Variants in NELL1 observed in about 807,000 individuals in gnomAD.
NELL1 encodes neural EGFL like 1.
In NELL1, 76 loss-of-function variants were observed where a neutral mutation model predicts 107.4. The observed-to-expected ratio is 0.71, with a 90% CI of 0.59 to 0.86. The LOEUF (loss-of-function observed/expected upper bound fraction) is 0.86, where lower values mean the gene tolerates loss of function less well. Ranked by LOEUF, NELL1 falls within the 40% of genes least tolerant of loss-of-function variation. The probability of loss-of-function intolerance (pLI) is 0.00; values close to 1 mark genes in which losing one functional copy is unlikely to be tolerated. For synonymous variants in NELL1, 353 were observed against 341.2 expected, an observed-to-expected ratio of 1.03 and a Z score of -0.38; for missense variants, 1,024 against 1,005.5, an observed-to-expected ratio of 1.02 and a Z score of -0.25.
chr11:20,995,837 C>T (rs1384104151), intron 12 of NELL1, among the ~76,000 whole-genome samples: 1 of 152,080 alleles, frequency 6.6e-6, no homozygotes, highest in Non-Finnish European at 1.5e-5. Context: ...TAATCTGGCT[C>T]ACTGGAATGC....
At chr11:21,524,854 T>A (rs181213541) in intron 15 of NELL1, among the ~76,000 whole-genome samples, 1 of 152,290 alleles carries the variant, frequency 6.6e-6, no homozygotes, top group Admixed American at 6.5e-5. Context: ...CAAATTTCAA[T>A]AGTTTTGTTC....
chr11:20,695,333 G>A (rs1854586535), intron 2 of NELL1, among the ~76,000 whole-genome samples: 1 of 152,060 alleles, frequency 6.6e-6, no homozygotes, highest in Non-Finnish European at 1.5e-5. Flanking sequence ...GTACTGTGTT[G>A]AATAGGAGTG....
At chr11:21,382,735 A>C (rs72960090) in intron 15 of NELL1, among the ~76,000 whole-genome samples, 15,104 of 151,914 alleles carry the variant, frequency 0.099, 945 homozygotes, top group South Asian at 0.17. Context: ...CTGTCAAATA[A>C]ATAAAAGCTG....
intron 15 of NELL1, among the ~76,000 whole-genome samples, chr11:21,505,738 T>G (rs1855262870): frequency 6.6e-6 from 1 of 152,232 alleles, no homozygotes; most frequent in Non-Finnish European, 1.5e-5. Flanking sequence ...AGTAGCTCCC[T>G]GCTCTTCTAA....
At chr11:21,069,131 A>G (rs1406249259) in intron 12 of NELL1, among the ~76,000 whole-genome samples, 1 of 152,172 alleles carries the variant, frequency 6.6e-6, no homozygotes, top group Non-Finnish European at 1.5e-5. Flanking sequence ...GCACGAACAG[A>G]AGGCCTTAGA....
At chr11:21,499,706 C>A (rs535070796) in intron 15 of NELL1, among the ~76,000 whole-genome samples, 2 of 152,066 alleles carry the variant, frequency 1.3e-5, no homozygotes, top group South Asian at 2.1e-4. Flanking sequence ...GGATTTAATC[C>A]AATTCAGTTT....
Position 20,786,925 on chromosome 11 carries a change from A to G in NELL1, c.335+3095A>G, listed in dbSNP as rs534653252. On this transcript the variant is annotated intron_variant, in intron 3 of 19. Coordinates refer to ENST00000357134, the MANE Select transcript of NELL1 (RefSeq NM_006157.5). ...TGGGAGGCTGAGGCAGGAGAATGGTATGAACCCGGGAGGTGGAGCTTGCCG... is the reference window on the plus strand; with the variant it reads ...TGGGAGGCTGAGGCAGGAGAATGGTGTGAACCCGGGAGGTGGAGCTTGCCG... Among the ~76,000 whole-genome samples, 223 of 139,948 alleles carry G rather than the reference A, an allele frequency of 1.6e-3. 1 individual carries two copies. Among genetic ancestry groups the G allele is most frequent in the Admixed American group, 0.014 (185 of 13,038 alleles). The allele number at this position is 139,948 out of a possible 152,430, so 91.8% of individuals were successfully genotyped here. A position where few individuals can be genotyped will look rare whatever the true frequency, so the allele number is the denominator to read the frequency against.
At chr11:21,155,849 A>G (rs546928236) in intron 13 of NELL1, among the ~76,000 whole-genome samples, 11 of 152,290 alleles carry the variant, frequency 7.2e-5, no homozygotes, top group African/African-American at 2.6e-4. Context: ...ACTGATTGGA[A>G]AGGGAGAGAC....
At chr11:20,993,858 G>A (rs1425471447) in intron 12 of NELL1, among the ~76,000 whole-genome samples, 1 of 148,598 alleles carries the variant, frequency 6.7e-6, no homozygotes, top group Non-Finnish European at 1.5e-5. Context: ...GGGGACCCAT[G>A]GATACAGAGA....
At chr11:21,138,510 A>G (rs1307335249) in intron 13 of NELL1, among the ~76,000 whole-genome samples, 2 of 152,184 alleles carry the variant, frequency 1.3e-5, no homozygotes, top group Non-Finnish European at 2.9e-5. Flanking sequence ...TTTTGGGTGC[A>G]GAGCCTGTTG....
chr11:21,272,346 G>T (rs1848757245), intron 14 of NELL1, among the ~76,000 whole-genome samples: 1 of 152,346 alleles, frequency 6.6e-6, no homozygotes, highest in African/African-American at 2.4e-5. Flanking sequence ...GCAGCAGTGA[G>T]GCCGGGGGAG....
At chr11:20,716,140 A>G (rs1048352819) in intron 2 of NELL1, among the ~76,000 whole-genome samples, 10 of 152,218 alleles carry the variant, frequency 6.6e-5, no homozygotes, top group Non-Finnish European at 1.2e-4. Context: ...CTCCAGTCTC[A>G]TGCTTACAGT....
intron 15 of NELL1, among the ~76,000 whole-genome samples, chr11:21,398,542 G>A (rs980579737): frequency 1.3e-5 from 2 of 151,592 alleles, no homozygotes; most frequent in African/African-American, 2.4e-5. Context: ...TCAGGAGGAG[G>A]ATCAAAGTAG....
At chr11:21,308,789 A>G (rs115621630) in intron 14 of NELL1, among the ~76,000 whole-genome samples, 2,439 of 152,120 alleles carry the variant, frequency 0.016, 71 homozygotes, top group African/African-American at 0.056. Flanking sequence ...ATTATTTCTA[A>G]TTATACACAT....
chr11:21,068,400 T>C (rs1003213815), intron 12 of NELL1, among the ~76,000 whole-genome samples: 99 of 152,198 alleles, frequency 6.5e-4, no homozygotes, highest in African/African-American at 2.3e-3. Flanking sequence ...AGTCAGAATT[T>C]AAAGTAGGAC....
chr11:21,261,561 A>T (rs1215000324), intron 14 of NELL1, among the ~76,000 whole-genome samples: 1 of 151,792 alleles, frequency 6.6e-6, no homozygotes, highest in Non-Finnish European at 1.5e-5. Context: ...AGATACTATT[A>T]CCTACCTGCA....
rs117248327 is a variant in NELL1 at position 21,376,939 on chromosome 11, C to G, written c.1645+5991C>G. Among the ~76,000 whole-genome samples, 447 of 152,038 alleles carry G rather than the reference C, an allele frequency of 2.9e-3. 1 individual carries two copies. Among genetic ancestry groups the G allele is most frequent in the African/African-American group, 0.01 (426 of 41,508 alleles). On this transcript the variant is annotated intron_variant, in intron 15 of 19. Transcript: ENST00000357134. Reference sequence around the variant, plus strand: ...TGAAGTCATTTATCAACTCCAGAAGCCTTTTGGTAGTCTTTAGGACTTTCT... The same window carrying G: ...TGAAGTCATTTATCAACTCCAGAAGGCTTTTGGTAGTCTTTAGGACTTTCT...
chr11:21,303,734 G>A (rs912287555), intron 14 of NELL1, among the ~76,000 whole-genome samples: 4 of 152,014 alleles, frequency 2.6e-5, no homozygotes, highest in Admixed American at 6.6e-5. Context: ...CACTATTCAC[G>A]ATAGCAAAGT....
intron 5 of NELL1, among the ~76,000 whole-genome samples, chr11:20,917,834 A>T (rs992152147): frequency 6.6e-6 from 1 of 151,970 alleles, no homozygotes; most frequent in Non-Finnish European, 1.5e-5. Context: ...TTCCCACTTT[A>T]AAAAAATCCT....
Sources: gnomAD v4.1 joint callset for allele counts (sites outside exome capture counted in the v4.1 genomes callset) on GRCh38, gnomAD v4.1.1 for gene constraint, MANE v1.5 for transcripts, NCBI Gene and HGNC (gene_info 2026-07-23, HGNC 2026-07-21) for gene names.